Variants in NOS1AP observed in about 807,000 individuals in gnomAD.
NOS1AP encodes nitric oxide synthase 1 adaptor protein, also known as carboxyl-terminal PDZ ligand of neuronal nitric oxide synthase protein.
In NOS1AP, 21 loss-of-function variants were observed where a neutral mutation model predicts 56.2. The observed-to-expected ratio is 0.37, with a 90% confidence interval of 0.26 to 0.54. The LOEUF (loss-of-function observed/expected upper bound fraction) is 0.54. NOS1AP is among the 20% of genes least tolerant of loss of function. The pLI is 0.84. For synonymous variants in NOS1AP, 270 were observed against 274.6 expected, an observed-to-expected ratio of 0.98 and a Z score of 0.17; for missense variants, 522 against 657.8, an observed-to-expected ratio of 0.79 and a Z score of 2.26.
intron 8 of NOS1AP, among the ~76,000 whole-genome samples, chr1:162,358,840 C>T (rs1288549043): frequency 6.6e-6 from 1 of 152,158 alleles, no homozygotes; most frequent in African/African-American, 2.4e-5. Context: ...ATCAGGGAGG[C>T]ATTTGAATTC....
At chr1:162,116,484 C>G (rs182033350) in intron 1 of NOS1AP, among the ~76,000 whole-genome samples, 1 of 152,166 alleles carries the variant, frequency 6.6e-6, no homozygotes. Flanking sequence ...TTCAATGCTT[C>G]CTTTGTGCTT....
At chr1:162,274,500 AGTT>A (rs1286673902) in intron 2 of NOS1AP, among the ~76,000 whole-genome samples, 2 of 152,186 alleles carry the variant, frequency 1.3e-5, no homozygotes, top group African/African-American at 4.8e-5. Flanking sequence ...TACAGTGTTT[AGTT>A]GTTGTTTTAA....
chr1:162,355,090 C>G, intron 6 of NOS1AP, 97 bp from the exon 7 acceptor site: 1 of 1,402,800 alleles, frequency 7.1e-7, no homozygotes, highest in Non-Finnish European at 1.0e-6. Context: ...AGTGGCATCC[C>G]TAGGCTCAAC....
At chr1:162,076,164 C>T (rs551393695) in intron 1 of NOS1AP, among the ~76,000 whole-genome samples, 1 of 152,244 alleles carries the variant, frequency 6.6e-6, no homozygotes, top group East Asian at 1.9e-4. Flanking sequence ...TCCCTTTATA[C>T]CTTTGTTGCC....
chr1:162,318,112 C>T (rs1656290830), intron 4 of NOS1AP, among the ~76,000 whole-genome samples: 1 of 152,152 alleles, frequency 6.6e-6, no homozygotes. Context: ...CTTCTGCTGT[C>T]TCTGTCTTGA....
chr1:162,357,054 C>T lies in NOS1AP; in HGVS notation c.857C>T (p.Pro286Leu), dbSNP rs745484162. ...CCTCCAGGCCTGGGCACAGAGACAC[C>T]GCTGTCCACTCACCACCAGATGCAG... ...SKPPGLGTETPLSTHHQMQLL... is the reference protein window; with the variant it reads ...SKPPGLGTETLLSTHHQMQLL... Residue 286 changes from proline (P) to leucine (L), a missense_variant, in exon 8 of 10, where the codon CCG (proline) becomes CTG (leucine). Pro to Leu is a moderately conservative substitution (Grantham distance 98, BLOSUM62 -3). Around this residue, in one of 4 missense-constraint regions of NOS1AP, gnomAD observed 178 missense variants for 165.0 expected, o/e 1.08. Transcript: ENST00000361897. 1.5e-5 allele frequency: 24 copies of T among 1,613,308 alleles called. No individual in the cohort carries two copies. The highest frequency in any genetic ancestry group is 1.6e-4 in the Middle Eastern group (1 of 6,084).
chr1:162,111,401 G>A (rs761967368), intron 1 of NOS1AP, among the ~76,000 whole-genome samples: 1 of 152,236 alleles, frequency 6.6e-6, no homozygotes, highest in African/African-American at 2.4e-5. Context: ...TGATGTAGGC[G>A]TGGTTGGGGC....
At chr1:162,207,493 A>G (rs1652198107) in intron 2 of NOS1AP, among the ~76,000 whole-genome samples, 1 of 152,214 alleles carries the variant, frequency 6.6e-6, no homozygotes, top group Admixed American at 6.5e-5. Context: ...TTATTTATTC[A>G]TTCAGCCAGT....
rs35637289 is a variant in NOS1AP at position 162,255,490 on chromosome 1, A to ATTTTTTTTTTTTTTTTTTTTT, written c.178-31839_178-31819dup. On this transcript the variant is annotated intron_variant, in intron 2 of 9. Transcript: ENST00000361897. Reference sequence around the variant, plus strand: ...ATGCATAGGTTATTTGCTGCTGCTGATTTTTTTTTTTTTTTTTTTTTTTTT... The same window carrying ATTTTTTTTTTTTTTTTTTTTT: ...ATGCATAGGTTATTTGCTGCTGCTGATTTTTTTTTTTTTTTTTTTTTTTTTTTTTTTTTTTTTTTTTTTTTT... 7.4e-4 allele frequency among the ~76,000 whole-genome samples: 45 copies of ATTTTTTTTTTTTTTTTTTTTT among 60,992 alleles called. 9 individuals are homozygous for ATTTTTTTTTTTTTTTTTTTTT. Among genetic ancestry groups the ATTTTTTTTTTTTTTTTTTTTT allele is most frequent in the Non-Finnish European group, 8.9e-4 (25 of 28,172 alleles). The allele number at this position is 60,992 out of a possible 152,430, so 40.0% of individuals were successfully genotyped here. A position where few individuals can be genotyped will look rare whatever the true frequency, so the allele number is the denominator to read the frequency against.
chr1:162,109,527 G>A (rs999299130), intron 1 of NOS1AP, among the ~76,000 whole-genome samples: 1 of 152,096 alleles, frequency 6.6e-6, no homozygotes, highest in African/African-American at 2.4e-5. Context: ...AACCAGAGTC[G>A]CCCTGTGTTG....
intron 2 of NOS1AP, among the ~76,000 whole-genome samples, chr1:162,219,716 C>T (rs1652706954): frequency 6.6e-6 from 1 of 152,168 alleles, no homozygotes; most frequent in South Asian, 2.1e-4. Context: ...TAGGAAATGT[C>T]CCCTTTTAGG....
chr1:162,237,912 G>T (rs899267565), intron 2 of NOS1AP, among the ~76,000 whole-genome samples: 1 of 152,094 alleles, frequency 6.6e-6, no homozygotes, highest in African/African-American at 2.4e-5. Flanking sequence ...CTGTCCTCTT[G>T]TCTGCCTCTG....
At chr1:162,352,256 A>G (rs924381357) in intron 6 of NOS1AP, among the ~76,000 whole-genome samples, 4 of 151,900 alleles carry the variant, frequency 2.6e-5, no homozygotes, top group Non-Finnish European at 5.9e-5. Context: ...ATGGGGTTTC[A>G]CCATGTTGGC....
chr1:162,261,669 A>C (rs1459696875), intron 2 of NOS1AP, among the ~76,000 whole-genome samples: 1 of 152,074 alleles, frequency 6.6e-6, no homozygotes, highest in Non-Finnish European at 1.5e-5. Flanking sequence ...AGTGAAGGAA[A>C]TGGATTCCCC....
intron 1 of NOS1AP, among the ~76,000 whole-genome samples, chr1:162,144,643 C>A (rs1443146622): frequency 6.6e-6 from 1 of 152,144 alleles, no homozygotes; most frequent in Non-Finnish European, 1.5e-5. Context: ...GTAGGCATGG[C>A]AGAAAGTGCT....
rs1657999851 is a variant in NOS1AP, at chr1:162,364,400, A to G, written c.940-1004A>G. The G allele has an allele frequency of 3.0e-6, 3 of 985,308 alleles. No individual in the cohort carries two copies. In the Admixed American group the frequency reaches 1.8e-4, roughly 61 times the overall value. The allele number at this position is 985,308 out of a possible 1,614,324, so 61.0% of individuals were successfully genotyped here. The stretch of plus-strand genomic sequence containing the variant: ...GAACTCTTTATTCACTTCTTTGCAC[A>G]AGAATCACATATGTGTGAACACTGG... On this transcript the variant is annotated intron_variant, in intron 8 of 9. Transcript: ENST00000361897.
intron 2 of NOS1AP, among the ~76,000 whole-genome samples, chr1:162,265,493 C>G (rs1654394881): frequency 6.6e-6 from 1 of 151,020 alleles, no homozygotes; most frequent in South Asian, 2.1e-4. Flanking sequence ...GTTTTTTGTC[C>G]TTGTGATAGT....
chr1:162,155,302 ATGTATGTG>A (rs1649910460), intron 2 of NOS1AP, among the ~76,000 whole-genome samples: 2 of 145,884 alleles, frequency 1.4e-5, no homozygotes, highest in Non-Finnish European at 1.5e-5. Context: ...ATATATGTAT[ATGTATGTG>A]TATATATATA....
rs12753652 is a variant in NOS1AP, at chr1:162,070,429, C to G, written c.105+147C>G. The G allele has an allele frequency of 4.4e-6, 3 of 678,652 alleles. No individual in the cohort carries two copies. In the African/African-American group the frequency reaches 5.3e-5, roughly 12 times the overall value. The allele number at this position is 678,652 out of a possible 1,614,324, so 42.0% of individuals were successfully genotyped here. On this transcript the variant is annotated intron_variant, in intron 1 of 9. Coordinates refer to ENST00000361897, the MANE Select transcript of NOS1AP (RefSeq NM_014697.3). ...CTCTTAGGGAGGGTAACTCTCCCTT[C>G]TGAGTCTATAATTCCGCGGGCTCCT...
Sources: allele counts gnomAD v4.1 joint callset (sites outside exome capture counted in the v4.1 genomes callset), GRCh38; gene constraint gnomAD v4.1.1; regional missense constraint gnomAD v4.1.1; transcripts MANE v1.5; gene names NCBI Gene and HGNC (gene_info 2026-07-23, HGNC 2026-07-21).